The following TFB1M variants were observed in gnomAD, a reference collection of about 807,000 sequenced individuals.
TFB1M encodes transcription factor B1, mitochondrial, also known as dimethyladenosine transferase 1, mitochondrial.
In TFB1M, 27 loss-of-function variants were observed where a neutral mutation model predicts 31.1. The ratio of observed to expected loss-of-function variants is 0.87; its 90% CI spans 0.64 to 1.20. The LOEUF (loss-of-function observed/expected upper bound fraction) is 1.20, where lower values mean the gene tolerates loss of function less well. TFB1M is among the 50% of genes most tolerant of loss of function. The probability of loss-of-function intolerance (pLI) is 0.00; values close to 1 mark genes in which losing one functional copy is unlikely to be tolerated. For synonymous variants in TFB1M, 166 were observed against 151.8 expected (o/e 1.09, Z -0.69); for missense variants, 394 against 418.7 (o/e 0.94, Z 0.51).
At chr6:155,296,541 G>A (rs1777185329) in intron 4 of TFB1M, among the ~76,000 whole-genome samples, 1 of 149,644 alleles carries the variant, frequency 6.7e-6, no homozygotes, top group South Asian at 2.1e-4. Flanking sequence ...GCCTCCCAAA[G>A]TGCTGGAATT....
intron 2 of TFB1M, among the ~76,000 whole-genome samples, chr6:155,299,144 T>C (rs1777317008): frequency 6.6e-6 from 1 of 152,174 alleles, no homozygotes; most frequent in Non-Finnish European, 1.5e-5. Context: ...AGAGCATCCC[T>C]AATCTTAATA....
At chr6:155,275,797 G>C in intron 5 of TFB1M, 1 of 1,614,132 alleles carries the variant, frequency 6.2e-7, no homozygotes, top group Non-Finnish European at 8.5e-7. Flanking sequence ...CAGCCACTCT[G>C]CTGCCCAACT....
intron 5 of TFB1M, among the ~76,000 whole-genome samples, chr6:155,261,362 G>C (rs961749697): frequency 1.3e-5 from 2 of 152,190 alleles, no homozygotes; most frequent in Non-Finnish European, 2.9e-5. Context: ...GGAGGTGTGG[G>C]CTGCACCACT....
At chr6:155,248,538 C>G in the TFB1M span, among the ~76,000 whole-genome samples, 4 of 152,310 alleles carry the variant, frequency 2.6e-5, no homozygotes, top group South Asian at 6.2e-4. Flanking sequence ...TTTCCTACCA[C>G]TTGGTTAAGT....
the TFB1M span, among the ~76,000 whole-genome samples, chr6:155,234,691 C>T: frequency 6.6e-5 from 10 of 152,246 alleles, no homozygotes; most frequent in African/African-American, 2.2e-4. Context: ...AGGCATGAGC[C>T]ACTGTGCCAG....
rs375589598 is a variant in TFB1M at position 155,296,971 on chromosome 6, A to T, written c.528T>A (p.Phe176Leu). 4 of 1,614,006 alleles carry T rather than the reference A, an allele frequency of 2.5e-6. No homozygotes were observed. Among genetic ancestry groups the T allele is most frequent in the Non-Finnish European group, 2.5e-6 (3 of 1,179,948 alleles). The change falls in exon 4 of 7, where the codon TTT (phenylalanine) becomes TTA (leucine). Residue 176 changes from phenylalanine to leucine, a missense_variant. By Grantham distance (22) the Phe-to-Leu change is conservative. Around this residue, in one of 3 missense-constraint regions of TFB1M, gnomAD observed 273 missense variants for 256.4 expected, o/e 1.06. Coordinates refer to ENST00000367166, the MANE Select transcript of TFB1M (RefSeq NM_016020.4). Reference protein sequence around the residue: ...VYGRTQMTLTFQKEVAERLAA... With the variant: ...VYGRTQMTLTLQKEVAERLAA... Reference sequence around the variant, plus strand: ...AACTTACCTCTGCCACTTCCTTTTGAAAAGTCAAAGTCATCTGAGTTCTGC... The same window carrying T: ...AACTTACCTCTGCCACTTCCTTTTGTAAAGTCAAAGTCATCTGAGTTCTGC...
the TFB1M span, among the ~76,000 whole-genome samples, chr6:155,237,861 G>A: frequency 2.0e-5 from 3 of 152,210 alleles, no homozygotes; most frequent in East Asian, 3.9e-4. Flanking sequence ...GGCCTGTGAT[G>A]GGAAGGGCTG....
intron 5 of TFB1M, among the ~76,000 whole-genome samples, chr6:155,282,853 G>C (rs1776444926): frequency 2.6e-5 from 4 of 151,912 alleles, no homozygotes; most frequent in South Asian, 4.2e-4. Context: ...TCAGCCTCCT[G>C]AGTAGCTGGG....
rs202150612 is a variant in TFB1M at position 155,298,587 on chromosome 6, T to C, written c.286-2A>G. 582 of 1,598,388 alleles carry C rather than the reference T, an allele frequency of 3.6e-4. No individual in the cohort carries two copies. Among genetic ancestry groups the C allele is most frequent in the Non-Finnish European group, 4.5e-4 (523 of 1,166,134 alleles). ...CCCAGGTGCTGCATCAGAAAGCATCTAGTTTATAAAAAGATCAGTAAAATG... is the reference window on the plus strand; with the variant it reads ...CCCAGGTGCTGCATCAGAAAGCATCCAGTTTATAAAAAGATCAGTAAAATG... On this transcript the variant is annotated splice_acceptor_variant, in intron 2 of 6. Coordinates refer to ENST00000367166, the MANE Select transcript of TFB1M (RefSeq NM_016020.4). LOFTEE classifies it high-confidence loss of function.
At chr6:155,287,822 CCT>C (rs748628049) in intron 4 of TFB1M, among the ~76,000 whole-genome samples, 4 of 152,012 alleles carry the variant, frequency 2.6e-5, no homozygotes, top group Non-Finnish European at 5.9e-5. Flanking sequence ...ATGTATCTTG[CCT>C]CTCTGTGTTC....
chr6:155,306,164 C>T (rs1433447190), intron 2 of TFB1M, among the ~76,000 whole-genome samples: 2 of 152,032 alleles, frequency 1.3e-5, no homozygotes, highest in African/African-American at 4.8e-5. Flanking sequence ...ATTACATATT[C>T]ACTAGGATGG....
chr6:155,232,931 C>T, the TFB1M span: 2 of 152,178 alleles, frequency 1.3e-5, no homozygotes, highest in African/African-American at 4.8e-5. Flanking sequence ...CCACATTACC[C>T]CAAATTACGC....
At chr6:155,290,305 G>T (rs1776852211) in intron 4 of TFB1M, among the ~76,000 whole-genome samples, 1 of 148,558 alleles carries the variant, frequency 6.7e-6, no homozygotes, top group Non-Finnish European at 1.5e-5. Flanking sequence ...TGAATGGCAT[G>T]AACCCGGGAG....
chr6:155,238,569 A>G, the TFB1M span, among the ~76,000 whole-genome samples: 2 of 152,198 alleles, frequency 1.3e-5, no homozygotes, highest in African/African-American at 2.4e-5. Flanking sequence ...GTAGGCCTGG[A>G]ACGTTACTGG....
At chr6:155,254,547 A>G (rs773155133), downstream of TFB1M, 9 of 1,613,216 alleles carry the variant, frequency 5.6e-6, no homozygotes, top group Non-Finnish European at 6.8e-6. Context: ...CCTCTTAAGA[A>G]CCGAGTTCCT....
chr6:155,279,526 T>C (rs1248991224), intron 5 of TFB1M, among the ~76,000 whole-genome samples: 1 of 152,206 alleles, frequency 6.6e-6, no homozygotes, highest in Non-Finnish European at 1.5e-5. Context: ...GCAGGCCCAC[T>C]AGGGTAGTTA....
chr6:155,284,781 T>C (rs1181175274), intron 5 of TFB1M, among the ~76,000 whole-genome samples: 1 of 152,218 alleles, frequency 6.6e-6, no homozygotes, highest in Non-Finnish European at 1.5e-5. Flanking sequence ...ATGTTTGATG[T>C]AGCTTTAGTT....
chr6:155,247,297 G>A, the TFB1M span, among the ~76,000 whole-genome samples: 1 of 152,202 alleles, frequency 6.6e-6, no homozygotes, highest in Non-Finnish European at 1.5e-5. Flanking sequence ...TGGGTATGGT[G>A]TAGGGTCTGG....
chr6:155,270,837 C>A (rs779272369), intron 5 of TFB1M, among the ~76,000 whole-genome samples: 1 of 152,124 alleles, frequency 6.6e-6, no homozygotes, highest in Non-Finnish European at 1.5e-5. Flanking sequence ...GACACTGCTG[C>A]GACTATTAGT....
Sources: gnomAD v4.1 joint callset for allele counts (sites outside exome capture counted in the v4.1 genomes callset) on GRCh38, gnomAD v4.1.1 for gene constraint, gnomAD v4.1.1 regional missense constraint, MANE v1.5 for transcripts, NCBI Gene and HGNC (gene_info 2026-07-23, HGNC 2026-07-21) for gene names.